Variants in WDR48 observed in about 807,000 individuals in gnomAD.
WDR48 encodes WD repeat domain 48, also known as WD repeat-containing protein 48.
A neutral mutation model predicts 94.0 loss-of-function variants in WDR48; 22 were observed. The observed-to-expected ratio is 0.23, with a 90% CI of 0.17 to 0.33. The LOEUF (loss-of-function observed/expected upper bound fraction) is 0.33. WDR48 is among the 10% of genes least tolerant of loss of function. The pLI, the probability that WDR48 is intolerant of heterozygous loss-of-function variation, is 1.00. For missense variants in WDR48, 541 were observed against 813.8 expected (o/e 0.66, Z 4.08); for synonymous variants, 278 against 280.5 (o/e 0.99, Z 0.09).
At chr3:39,082,342 C>T (rs971818750) in intron 11 of WDR48, among the ~76,000 whole-genome samples, 3 of 151,088 alleles carry the variant, frequency 2.0e-5, no homozygotes, top group Non-Finnish European at 1.5e-5. Flanking sequence ...AGTGCAGTGG[C>T]GCAACCTCAG....
intron 12 of WDR48, 95 bp from the exon 13 acceptor site, chr3:39,084,550 G>T: frequency 9.0e-7 from 1 of 1,105,330 alleles, no homozygotes. Context: ...TTATGACTTA[G>T]CACTTTAGTC....
At chr3:39,079,015 GCGAGA>G (rs2034386701) in intron 10 of WDR48, among the ~76,000 whole-genome samples, 1 of 140,660 alleles carries the variant, frequency 7.1e-6, no homozygotes, top group African/African-American at 2.7e-5. Flanking sequence ...GGGCGACAGA[GCGAGA>G]CTCCGTCTCA....
chr3:39,079,648 A>ATTAAAT, intron 10 of WDR48, 63 bp from the exon 11 acceptor site: 1 of 1,231,450 alleles, frequency 8.1e-7, no homozygotes, highest in Non-Finnish European at 1.1e-6. Flanking sequence ...AACAATTGTT[A>ATTAAAT]CCACACCATG....
At chr3:39,052,987 G>A (rs948128703) in intron 1 of WDR48, among the ~76,000 whole-genome samples, 1 of 152,140 alleles carries the variant, frequency 6.6e-6, no homozygotes, top group African/African-American at 2.4e-5. Context: ...AAACCTGCAC[G>A]TTGTGCACAT....
chr3:39,079,284 A>G (rs2034399856), intron 10 of WDR48, among the ~76,000 whole-genome samples: 1 of 152,218 alleles, frequency 6.6e-6, no homozygotes, highest in Non-Finnish European at 1.5e-5. Flanking sequence ...TGTATGGCAC[A>G]TTCATTTGTT....
chr3:39,058,759 T>C (rs973996612), intron 1 of WDR48, among the ~76,000 whole-genome samples: 4 of 152,150 alleles, frequency 2.6e-5, no homozygotes, highest in African/African-American at 7.2e-5. Context: ...GGAGCTATTA[T>C]TCTAATGGAG....
intron 18 of WDR48, 50 bp downstream of exon 18, chr3:39,094,116 A>G (rs1232008040): frequency 7.6e-6 from 12 of 1,569,744 alleles, no homozygotes; most frequent in Admixed American, 2.0e-5. Flanking sequence ...GCTGGTGCTC[A>G]TAAAGAGTTA....
intron 1 of WDR48, among the ~76,000 whole-genome samples, chr3:39,059,331 G>A (rs1301494026): frequency 6.6e-6 from 1 of 152,180 alleles, no homozygotes; most frequent in East Asian, 1.9e-4. Context: ...GGATGGGAAA[G>A]AGCTTGATGT....
At chr3:39,089,152 C>T (rs746137660) in intron 15 of WDR48, 79 bp from the exon 16 acceptor site, 1 of 1,292,348 alleles carries the variant, frequency 7.7e-7, no homozygotes, top group Non-Finnish European at 1.1e-6. Context: ...CATGAGGGTT[C>T]CTCCCGCTAA....
In WDR48 at chr3:39,067,139, T is replaced by C. The variant is rs1436544476; in HGVS notation, c.481+264T>C. Among the ~76,000 whole-genome samples the C allele has an allele frequency of 2.6e-5, 4 of 152,188 alleles. No homozygotes were observed. The East Asian group carries it at 7.7e-4, about 29-fold the overall frequency. On this transcript the variant is annotated intron_variant, in intron 5 of 18. Transcript: ENST00000302313. ...ATGTCTTAGCTCCCTAGCTAAAATG[T>C]AAGTCCCTGCAGGGTAGAGGAGACT... is the stretch of plus-strand genomic sequence containing the variant.
intron 8 of WDR48, among the ~76,000 whole-genome samples, chr3:39,075,962 C>T (rs901865954): frequency 6.6e-6 from 1 of 152,128 alleles, no homozygotes; most frequent in Non-Finnish European, 1.5e-5. Flanking sequence ...TCCCAAAGTG[C>T]TGGTATTACA....
At position 39,074,824 on chromosome 3, in the gene WDR48, G is replaced by A. The variant is rs149913299; in HGVS notation, c.771G>A (p.Ala257=). 6.4e-5 allele frequency: 103 copies of A among 1,614,088 alleles called. No homozygotes were observed. The highest frequency in any genetic ancestry group is 4.7e-4 in the South Asian group (43 of 91,090). ...TYRVHDEGVW[A]LQVNDAFTHV... is the part of the protein sequence containing the mutation. ...GAGTCCATGATGAAGGTGTTTGGGC[G>A]CTGCAAGTCAATGATGCCTTCACAC... Residue 257 remains alanine, a synonymous_variant, in exon 8 of 19, where the codon GCG becomes GCA. Coordinates refer to ENST00000302313, the MANE Select transcript of WDR48 (RefSeq NM_020839.4).
At position 39,085,534 on chromosome 3, in the gene WDR48, A is replaced by G. The variant is rs1468011590; in HGVS notation, c.1398A>G (p.Leu466=). The part of the protein sequence containing the change: ...SDPKLNLGGL[L]LQALLEYWPR... ...TTGCAGTGAATTTAGGAGGACTTTT[A>G]CTCCAAGCACTCCTGGAATATTGGC... is the stretch of plus-strand genomic sequence containing the variant. Residue 466 remains leucine, a synonymous_variant, in exon 14 of 19, where the codon TTA becomes TTG. Transcript: ENST00000302313. 2 of 1,611,188 alleles carry G rather than the reference A, an allele frequency of 1.2e-6. No homozygotes were observed. The highest frequency in any genetic ancestry group is 1.7e-6 in the Non-Finnish European group (2 of 1,179,232).
At chr3:39,094,473 C>T (rs959034616) in intron 18 of WDR48, 175 bp from the exon 19 acceptor site, 10 of 1,534,510 alleles carry the variant, frequency 6.5e-6, no homozygotes, top group Middle Eastern at 1.7e-4. Context: ...AGATGTACAT[C>T]TCACTAAGCT....
At chr3:39,080,381 T>C (rs993024140) in intron 11 of WDR48, among the ~76,000 whole-genome samples, 1 of 152,246 alleles carries the variant, frequency 6.6e-6, no homozygotes, top group Non-Finnish European at 1.5e-5. Flanking sequence ...CTGGGTCATG[T>C]TACAATAACT....
chr3:39,089,547 A>G (rs2034978736), intron 16 of WDR48: 1 of 287,848 alleles, frequency 3.5e-6, no homozygotes. Flanking sequence ...ATTCAACAAA[A>G]TAATAAATGA....
chr3:39,077,071 A>C, intron 8 of WDR48, 68 bp from the exon 9 acceptor site: 1 of 1,559,578 alleles, frequency 6.4e-7, no homozygotes, highest in South Asian at 1.1e-5. Context: ...TATTAATAAC[A>C]TATCTAGTCC....
At chr3:39,053,858 G>A (rs952306736) in intron 1 of WDR48, among the ~76,000 whole-genome samples, 1 of 152,226 alleles carries the variant, frequency 6.6e-6, no homozygotes, top group African/African-American at 2.4e-5. Context: ...GCCAGTGCAC[G>A]TAGAATGAGG....
At chr3:39,061,126 T>A (rs981204121) in intron 1 of WDR48, among the ~76,000 whole-genome samples, 2 of 152,160 alleles carry the variant, frequency 1.3e-5, no homozygotes, top group African/African-American at 4.8e-5. Context: ...ATACTTCAAG[T>A]TCTAGGGTAC....
Sources: gnomAD v4.1 joint callset for allele counts (sites outside exome capture counted in the v4.1 genomes callset) on GRCh38, gnomAD v4.1.1 for gene constraint, MANE v1.5 for transcripts, NCBI Gene and HGNC (gene_info 2026-07-23, HGNC 2026-07-21) for gene names.